Variants in STAU2 observed in about 807,000 individuals in gnomAD.
The protein encoded by STAU2 is staufen double-stranded RNA binding protein 2.
A neutral mutation model predicts 65.9 loss-of-function variants in STAU2; 20 were observed. The observed-to-expected ratio is 0.30, with a 90% CI of 0.21 to 0.44. The LOEUF (loss-of-function observed/expected upper bound fraction) is 0.44, where lower values mean the gene tolerates loss of function less well. Ranked by LOEUF, STAU2 falls within the 20% of genes least tolerant of loss-of-function variation. STAU2 has a pLI of 1.00. For synonymous variants in STAU2, 232 were observed against 233.9 expected, an observed-to-expected ratio of 0.99 and a Z score of 0.07; for missense variants, 558 against 683.9, an observed-to-expected ratio of 0.82 and a Z score of 2.05.
chr8:73,550,663 T>C, intron 13 of STAU2: 1 of 983,382 alleles, frequency 1.0e-6, no homozygotes, highest in Non-Finnish European at 1.2e-6. Flanking sequence ...TAAACAGTGA[T>C]TTATTGTGTT....
chr8:73,634,452 T>C (rs1013290054), intron 6 of STAU2, among the ~76,000 whole-genome samples: 6 of 151,952 alleles, frequency 3.9e-5, no homozygotes, highest in East Asian at 1.9e-4. Flanking sequence ...CATTTGAACC[T>C]GGGAGGCAGA....
intron 12 of STAU2, among the ~76,000 whole-genome samples, chr8:73,558,981 CAG>C (rs1178750511): frequency 6.6e-6 from 1 of 152,068 alleles, no homozygotes; most frequent in Admixed American, 6.5e-5. Context: ...GAACTAGAAA[CAG>C]GGGCTTCTGG....
intron 10 of STAU2, among the ~76,000 whole-genome samples, chr8:73,599,892 C>A (rs6982223): frequency 6.6e-6 from 1 of 152,084 alleles, no homozygotes; most frequent in Non-Finnish European, 1.5e-5. Context: ...CTCAGCCTCC[C>A]GAGTAGCTAG....
chr8:73,747,012 C>G (rs530674794), upstream of STAU2: 259 of 293,446 alleles, frequency 8.8e-4, no homozygotes, highest in African/African-American at 5.5e-3. Context: ...CGCGCGCGCC[C>G]GGCACCGGCT....
intron 7 of STAU2, 66 bp from the exon 8 acceptor site, chr8:73,615,848 A>G (rs557517277): frequency 1.7e-6 from 2 of 1,162,732 alleles, no homozygotes; most frequent in Non-Finnish European, 1.3e-6. Flanking sequence ...TTTATTCTAC[A>G]GTCAAGATGG....
intron 13 of STAU2, chr8:73,551,701 G>C: frequency 9.7e-7 from 1 of 1,029,942 alleles, no homozygotes. Context: ...GTGGAAGACA[G>C]AGCGAAGAGA....
At chr8:73,496,880 C>T (rs372768458) in intron 13 of STAU2, among the ~76,000 whole-genome samples, 14 of 151,716 alleles carry the variant, frequency 9.2e-5, no homozygotes, top group East Asian at 1.9e-4. Context: ...TAATGGTTAA[C>T]GTATTAGACA....
At chr8:73,733,640 T>C (rs1331983017) in intron 3 of STAU2, among the ~76,000 whole-genome samples, 1 of 152,078 alleles carries the variant, frequency 6.6e-6, no homozygotes, top group African/African-American at 2.4e-5. Context: ...AAGAATGTTA[T>C]TTACAAATAA....
chr8:73,646,654 T>C (rs1026411185), intron 6 of STAU2, among the ~76,000 whole-genome samples: 2 of 152,128 alleles, frequency 1.3e-5, no homozygotes, highest in East Asian at 1.9e-4. Context: ...TTTGGGGATC[T>C]AGATTTGGTG....
At position 73,552,149 on chromosome 8, in the gene STAU2, C is replaced by T. The variant is rs375207062; in HGVS notation, c.1393G>A (p.Ala465Thr). The T allele has an allele frequency of 1.4e-5, 23 of 1,613,780 alleles. No individual in the cohort carries two copies. The highest frequency in any genetic ancestry group is 1.9e-5 in the Non-Finnish European group (23 of 1,179,868). The change falls in exon 13 of 15, where the codon GCC becomes ACC. Residue 465 changes from alanine to threonine, a missense_variant. By Grantham distance (58) the Ala-to-Thr change is moderately conservative. Coordinates refer to ENST00000524300, the MANE Select transcript of STAU2 (RefSeq NM_001164380.2). The stretch of plus-strand genomic sequence containing the variant: ...GTTCCATTCATAAGGAGTTCCCTGG[C>T]AATTGTAGCTGAACTATTCGATGTG... ...SPTSNSSATI[A>T]RELLMNGTSS...
chr8:73,688,950 C>G (rs1447344169), intron 4 of STAU2, 137 bp from the exon 5 acceptor site: 1 of 972,212 alleles, frequency 1.0e-6, no homozygotes, highest in Non-Finnish European at 1.5e-6. Flanking sequence ...TCATCTGCAA[C>G]AAAATCTTAC....
At chr8:73,451,179 T>C (rs147801694) in intron 13 of STAU2, among the ~76,000 whole-genome samples, 2 of 152,356 alleles carry the variant, frequency 1.3e-5, no homozygotes, top group Non-Finnish European at 2.9e-5. Context: ...TTCATAATTT[T>C]GTGCTTTCTA....
intron 13 of STAU2, among the ~76,000 whole-genome samples, chr8:73,458,288 A>G (rs1319535635): frequency 6.6e-6 from 1 of 152,212 alleles, no homozygotes; most frequent in Non-Finnish European, 1.5e-5. Context: ...ATGGATTTGA[A>G]TCTCATGGTT....
At chr8:73,663,869 C>T (rs1817031967) in intron 6 of STAU2, among the ~76,000 whole-genome samples, 1 of 152,130 alleles carries the variant, frequency 6.6e-6, no homozygotes, top group Admixed American at 6.5e-5. Context: ...TTTTTGTATA[C>T]TAACCTTGCA....
intron 6 of STAU2, among the ~76,000 whole-genome samples, chr8:73,654,215 C>T (rs996329441): frequency 2.6e-5 from 4 of 152,052 alleles, no homozygotes; most frequent in African/African-American, 7.2e-5. Context: ...TTTACCTATA[C>T]ATAGTAGTAA....
chr8:73,499,113 A>C (rs1821597188), intron 13 of STAU2, among the ~76,000 whole-genome samples: 1 of 151,838 alleles, frequency 6.6e-6, no homozygotes, highest in Admixed American at 6.6e-5. Flanking sequence ...CCTTCAACTC[A>C]AACTGCAATA....
At chr8:73,458,315 T>C (rs1819175277) in intron 13 of STAU2, among the ~76,000 whole-genome samples, 2 of 152,252 alleles carry the variant, frequency 1.3e-5, no homozygotes, top group Non-Finnish European at 2.9e-5. Context: ...TTGATCCCTG[T>C]TCAGTATTAT....
chr8:73,567,811 A>C (rs1808727961), intron 12 of STAU2, among the ~76,000 whole-genome samples: 3 of 151,976 alleles, frequency 2.0e-5, no homozygotes, highest in Admixed American at 2.0e-4. Context: ...CAGCCCCTGA[A>C]GTGCTGGGAT....
intron 4 of STAU2, among the ~76,000 whole-genome samples, chr8:73,707,151 G>C (rs767725713): frequency 6.6e-6 from 1 of 152,178 alleles, no homozygotes; most frequent in Admixed American, 6.5e-5. Flanking sequence ...AGCTGGGCAA[G>C]TCAGCTGAGG....
Sources: gnomAD v4.1 joint callset for allele counts (sites outside exome capture counted in the v4.1 genomes callset) on GRCh38, gnomAD v4.1.1 for gene constraint, MANE v1.5 for transcripts, NCBI Gene and HGNC (gene_info 2026-07-23, HGNC 2026-07-21) for gene names.